Variants in MAP2 observed in about 807,000 individuals in gnomAD.
The protein encoded by MAP2 is microtubule-associated protein 2.
In MAP2, 14 loss-of-function variants were observed where a neutral mutation model predicts 137.6. The ratio of observed to expected loss-of-function variants is 0.10; its 90% CI spans 0.07 to 0.16. The LOEUF is 0.16. Ranked by LOEUF, MAP2 falls within the 10% of genes least tolerant of loss-of-function variation. The probability of loss-of-function intolerance (pLI) is 1.00; values close to 1 mark genes in which losing one functional copy is unlikely to be tolerated. For synonymous variants in MAP2, 786 were observed against 782.3 expected, an observed-to-expected ratio of 1.00 and a Z score of -0.08; for missense variants, 2,088 against 2,191.5, an observed-to-expected ratio of 0.95 and a Z score of 0.94.
intron 1 of MAP2, among the ~76,000 whole-genome samples, chr2:209,453,960 G>A (rs1470050266): frequency 6.6e-6 from 1 of 151,968 alleles, no homozygotes; most frequent in African/African-American, 2.4e-5. Flanking sequence ...GACCAACCTG[G>A]CTAACACAGT....
intron 13 of MAP2, among the ~76,000 whole-genome samples, chr2:209,715,865 T>A (rs1429054130): frequency 6.6e-6 from 1 of 152,184 alleles, no homozygotes; most frequent in African/African-American, 2.4e-5. Context: ...TTTAGTATTA[T>A]TACATCTATT....
chr2:209,535,558 C>CT (rs1325695071), intron 2 of MAP2, among the ~76,000 whole-genome samples: 2,271 of 137,538 alleles, frequency 0.017, 27 homozygotes, highest in African/African-American at 0.042. Flanking sequence ...GGCAAAGTGT[C>CT]TTTTTTTTTT....
At chr2:209,476,277 G>A (rs188282733) in intron 1 of MAP2, among the ~76,000 whole-genome samples, 30 of 151,994 alleles carry the variant, frequency 2.0e-4, no homozygotes, top group African/African-American at 7.2e-4. Context: ...ACATAAGATT[G>A]TTTCCTATAC....
chr2:209,505,302 A>G (rs550396690), intron 1 of MAP2, among the ~76,000 whole-genome samples: 1 of 152,318 alleles, frequency 6.6e-6, no homozygotes, highest in South Asian at 2.1e-4. Context: ...TTTTGAAAAA[A>G]TGATACACAT....
intron 2 of MAP2, among the ~76,000 whole-genome samples, chr2:209,538,901 G>A (rs1373007946): frequency 6.6e-6 from 1 of 151,952 alleles, no homozygotes; most frequent in East Asian, 1.9e-4. Context: ...TTTTAAGTTA[G>A]GGAAAAATAA....
intron 2 of MAP2, among the ~76,000 whole-genome samples, chr2:209,542,435 C>T (rs1293448055): frequency 6.6e-6 from 1 of 152,220 alleles, no homozygotes; most frequent in Non-Finnish European, 1.5e-5. Flanking sequence ...AATATCAAGT[C>T]ACCACTGCAC....
At chr2:209,516,280 A>T (rs933840857) in intron 2 of MAP2, among the ~76,000 whole-genome samples, 1 of 94,140 alleles carries the variant, frequency 1.1e-5, no homozygotes, top group Non-Finnish European at 1.9e-5. Context: ...TCAGAATGAT[A>T]AAGAGAGTGG....
chr2:209,694,545 C>A lies in MAP2; in HGVS notation c.2375C>A (p.Ala792Asp). Residue 792 changes from alanine to aspartate, a missense_variant, in exon 8 of 16, where the codon GCC (alanine) becomes GAC (aspartate). By Grantham distance (126) the Ala-to-Asp change is moderately radical (BLOSUM62 -2). Around this residue, in one of 6 missense-constraint regions of MAP2, gnomAD observed 500 missense variants for 482.9 expected, o/e 1.04. Transcript: ENST00000682079. ...ATATCATGTGAGTCTCCTTTCCTAG[C>A]CAAAGATTTTTACAAAAATGGTACT... ...AEISCESPFL[A>D]KDFYKNGTVM... The A allele has an allele frequency of 6.2e-7, 1 of 1,614,022 alleles. No individual in the cohort carries two copies. Among genetic ancestry groups the A allele is most frequent in the Non-Finnish European group, 8.5e-7 (1 of 1,179,974 alleles).
chr2:209,586,954 C>T (rs564266846), intron 3 of MAP2, among the ~76,000 whole-genome samples: 65 of 152,126 alleles, frequency 4.3e-4, no homozygotes, highest in Non-Finnish European at 8.5e-4. Context: ...TGTCTACTCC[C>T]GAGTTTTTAA....
At chr2:209,530,809 CA>C (rs2064996381) in intron 2 of MAP2, among the ~76,000 whole-genome samples, 1 of 152,090 alleles carries the variant, frequency 6.6e-6, no homozygotes, top group Non-Finnish European at 1.5e-5. Context: ...TGCTCCAGGT[CA>C]CATAGATAAT....
intron 2 of MAP2, among the ~76,000 whole-genome samples, chr2:209,521,580 G>A (rs956222506): frequency 6.6e-6 from 1 of 151,732 alleles, no homozygotes; most frequent in Non-Finnish European, 1.5e-5. Flanking sequence ...AATTTTTTAG[G>A]TTGTTAGGAC....
chr2:209,505,712 C>T (rs2060956142), intron 1 of MAP2, among the ~76,000 whole-genome samples: 2 of 149,090 alleles, frequency 1.3e-5, no homozygotes, highest in South Asian at 4.1e-4. Flanking sequence ...TGGCTTATGC[C>T]TGTAATCCCA....
chr2:209,526,080 G>A (rs1559277676), intron 2 of MAP2, among the ~76,000 whole-genome samples: 2 of 151,962 alleles, frequency 1.3e-5, no homozygotes, highest in African/African-American at 4.8e-5. Flanking sequence ...AGCTTAAAAA[G>A]CAACACAGAG....
chr2:209,598,389 T>C lies in MAP2; in HGVS notation c.-107+18289T>C, dbSNP rs530527047. Among the ~76,000 whole-genome samples, 5 of 152,248 alleles carry C rather than the reference T, an allele frequency of 3.3e-5. No homozygotes were observed. The South Asian group carries it at 1.0e-3, about 32-fold the overall frequency. On this transcript the variant is annotated intron_variant, in intron 3 of 15. Coordinates refer to ENST00000682079, the MANE Select transcript of MAP2 (RefSeq NM_001375505.1). ...TAGGTGCTCAGACAATGTTGTCGAC[T>C]AACTGATACTTTTTTTAAAATTTAT... is the stretch of plus-strand genomic sequence containing the variant.
chr2:209,508,584 CCACA>C (rs56195417), intron 2 of MAP2, among the ~76,000 whole-genome samples: 87,139 of 145,848 alleles, frequency 0.6, 25,879 homozygotes, highest in Non-Finnish European at 0.66. Context: ...TCTCTCTGTC[CCACA>C]CACACACACA....
chr2:209,678,025 A>C (rs1372691939), intron 5 of MAP2, among the ~76,000 whole-genome samples: 1 of 152,044 alleles, frequency 6.6e-6, no homozygotes, highest in Non-Finnish European at 1.5e-5. Flanking sequence ...AAGCTTATAT[A>C]AATTATATTT....
chr2:209,725,888 A>G (rs139383567), intron 14 of MAP2, 98 bp downstream of exon 14: 1 of 637,168 alleles, frequency 1.6e-6, no homozygotes, highest in African/African-American at 1.9e-5. Context: ...AATTGGAAGG[A>G]TGTTTTAAAA....
chr2:209,602,880 G>A (rs2083409083), intron 3 of MAP2, among the ~76,000 whole-genome samples: 1 of 152,110 alleles, frequency 6.6e-6, no homozygotes, highest in South Asian at 2.1e-4. Flanking sequence ...ACTGTTATCT[G>A]GAAATAAGAG....
At chr2:209,699,988 C>T (rs2061349462) in intron 10 of MAP2, among the ~76,000 whole-genome samples, 1 of 152,122 alleles carries the variant, frequency 6.6e-6, no homozygotes. Flanking sequence ...TCCTTACGTA[C>T]TAGTGATTCA....
Sources: allele counts gnomAD v4.1 joint callset (sites outside exome capture counted in the v4.1 genomes callset), GRCh38; gene constraint gnomAD v4.1.1; regional missense constraint gnomAD v4.1.1; transcripts MANE v1.5; gene names NCBI Gene and HGNC (gene_info 2026-07-23, HGNC 2026-07-21).